PANK1: variants seen among roughly 807,000 people sequenced by gnomAD.
PANK1 encodes the protein pantothenate kinase 1.
PANK1 carries 18 observed loss-of-function variants against 40.1 expected under a neutral mutation model. The ratio of observed to expected loss-of-function variants is 0.45; its 90% confidence interval spans 0.31 to 0.67. The LOEUF (loss-of-function observed/expected upper bound fraction) is 0.67. Ranked by LOEUF, PANK1 falls within the 30% of genes least tolerant of loss-of-function variation. The pLI is 0.06. For synonymous variants in PANK1, 242 were observed against 237.7 expected (o/e 1.02, Z -0.17); for missense variants, 457 against 599.6 (o/e 0.76, Z 2.48).
chr10:89,617,117 A>G (rs1845343444), intron 1 of PANK1, among the ~76,000 whole-genome samples: 2 of 152,250 alleles, frequency 1.3e-5, no homozygotes, highest in South Asian at 4.1e-4. Flanking sequence ...GAGCATAAGC[A>G]CAAAAGAAAC....
At chr10:89,641,797 G>A (rs896372801) in intron 1 of PANK1, among the ~76,000 whole-genome samples, 6 of 150,062 alleles carry the variant, frequency 4.0e-5, no homozygotes, top group Non-Finnish European at 8.9e-5. Context: ...TCAGCACAAG[G>A]CAAAAAAGTC....
At chr10:89,605,345 A>G (rs1844929978) in intron 2 of PANK1, among the ~76,000 whole-genome samples, 1 of 152,220 alleles carries the variant, frequency 6.6e-6, no homozygotes, top group Non-Finnish European at 1.5e-5. Context: ...TTTACCCACC[A>G]TAGAACTTCT....
At chr10:89,611,425 C>T (rs1047984154) in intron 2 of PANK1, among the ~76,000 whole-genome samples, 1 of 152,178 alleles carries the variant, frequency 6.6e-6, no homozygotes, top group Non-Finnish European at 1.5e-5. Flanking sequence ...GCGTATTACC[C>T]AGCAATAATT....
chr10:89,594,107 T>G, intron 3 of PANK1, 118 bp from the exon 4 acceptor site: 1 of 671,842 alleles, frequency 1.5e-6, no homozygotes, highest in South Asian at 1.9e-5. Flanking sequence ...AAGGGGCACT[T>G]GAATTAAAGT....
Position 89,611,816 on chromosome 10 carries a change from A to G in PANK1, c.525T>C (p.Phe175=). The G allele has an allele frequency of 6.2e-7, 1 of 1,614,206 alleles. No individual in the cohort carries two copies. The highest frequency in any genetic ancestry group is 1.7e-5 in the Admixed American group (1 of 60,020). The change falls in exon 2 of 7, where the codon TTT becomes TTC. Residue 175 remains phenylalanine (F), a synonymous_variant. Transcript: ENST00000307534. The part of the protein sequence containing the change: ...GRKGNLHFIR[F]PSCAMHRFIQ... Reference sequence around the variant, plus strand: ...TGAACCTGTGCATAGCACAGCTGGGAAAGCGGATGAAGTGCAGGTTCCCTT... The same window carrying G: ...TGAACCTGTGCATAGCACAGCTGGGGAAGCGGATGAAGTGCAGGTTCCCTT...
intron 1 of PANK1, among the ~76,000 whole-genome samples, chr10:89,621,409 G>T (rs1177799449): frequency 1.3e-5 from 2 of 152,066 alleles, no homozygotes; most frequent in Admixed American, 1.3e-4. Flanking sequence ...TACAAATTTG[G>T]TTGATAGTAT....
At chr10:89,582,868 A>G (rs1844078662), downstream of PANK1, 1 of 152,238 alleles carries the variant, frequency 6.6e-6, no homozygotes, top group Admixed American at 6.5e-5. Context: ...CACTCATGGG[A>G]AAGCCTCCAA....
intron 1 of PANK1, among the ~76,000 whole-genome samples, chr10:89,640,776 GT>G (rs1841947069): frequency 1.3e-5 from 2 of 152,128 alleles, no homozygotes; most frequent in African/African-American, 4.8e-5. Flanking sequence ...TACTTATTCT[GT>G]CTCCAAAACC....
At position 89,630,399 on chromosome 10, in the gene PANK1, A is replaced by G. The variant is rs116505076; in HGVS notation, c.292+14201T>C. Among the ~76,000 whole-genome samples the G allele has an allele frequency of 7.3e-3, 1,105 of 152,274 alleles. 12 individuals are homozygous for G. The highest frequency in any genetic ancestry group is 0.027 in the Middle Eastern group (8 of 294). On this transcript the variant is annotated intron_variant, in intron 1 of 6. Coordinates refer to ENST00000307534, the MANE Select transcript of PANK1 (RefSeq NM_148977.3). Reference sequence around the variant, plus strand: ...TATTTAATTCAGTTCTCATAACCCAATGAAGTTGGCACTATTATTATTCCC... The same window carrying G: ...TATTTAATTCAGTTCTCATAACCCAGTGAAGTTGGCACTATTATTATTCCC...
intron 2 of PANK1, among the ~76,000 whole-genome samples, chr10:89,604,041 A>C (rs973692647): frequency 6.6e-6 from 1 of 152,170 alleles, no homozygotes; most frequent in African/African-American, 2.4e-5. Context: ...GCTTTTTAAG[A>C]CTGGTCCCTT....
chr10:89,603,923 A>G (rs1469443973), intron 2 of PANK1, among the ~76,000 whole-genome samples: 1 of 152,238 alleles, frequency 6.6e-6, no homozygotes. Context: ...CCTCAGATTA[A>G]TAATAGGGAC....
chr10:89,631,976 G>GTGT (rs199540491), intron 1 of PANK1, among the ~76,000 whole-genome samples: 1,947 of 143,324 alleles, frequency 0.014, 42 homozygotes, highest in African/African-American at 0.047. Context: ...GTGTGTGTGT[G>GTGT]TTTTTTTTTT....
At chr10:89,595,966 C>G (rs938551283) in intron 3 of PANK1, among the ~76,000 whole-genome samples, 1 of 147,260 alleles carries the variant, frequency 6.8e-6, no homozygotes, top group Admixed American at 6.8e-5. Context: ...CTAGGTACCA[C>G]CAGTAGCAGA....
chr10:89,601,590 A>T (rs1421176114), intron 2 of PANK1, among the ~76,000 whole-genome samples: 1 of 152,190 alleles, frequency 6.6e-6, no homozygotes, highest in African/African-American at 2.4e-5. Flanking sequence ...TGAATTTCTT[A>T]TTTAACAAAA....
chr10:89,624,782 T>C (rs1294050590), intron 1 of PANK1, among the ~76,000 whole-genome samples: 3 of 152,222 alleles, frequency 2.0e-5, no homozygotes, highest in Non-Finnish European at 4.4e-5. Context: ...TCTGATTCAG[T>C]GGGATAGGAG....
intron 2 of PANK1, among the ~76,000 whole-genome samples, chr10:89,608,176 C>T (rs1038327613): frequency 6.6e-6 from 1 of 151,894 alleles, no homozygotes; most frequent in Admixed American, 6.6e-5. Flanking sequence ...GGACTACAGG[C>T]GCCCGCGACC....
chr10:89,597,391 C>G (rs1329908583), intron 3 of PANK1, among the ~76,000 whole-genome samples: 2 of 152,158 alleles, frequency 1.3e-5, no homozygotes, highest in East Asian at 3.8e-4. Flanking sequence ...AAAGGGTTCT[C>G]TATTAACCTG....
At chr10:89,641,764 T>TA (rs1302126617) in intron 1 of PANK1, among the ~76,000 whole-genome samples, 8 of 108,986 alleles carry the variant, frequency 7.3e-5, no homozygotes, top group East Asian at 2.2e-4. Flanking sequence ...AATAAATAAA[T>TA]AAATAAATAA....
chr10:89,601,860 T>C (rs1844795996), intron 2 of PANK1, among the ~76,000 whole-genome samples: 1 of 152,222 alleles, frequency 6.6e-6, no homozygotes, highest in Admixed American at 6.5e-5. Context: ...TAGCAGGGCA[T>C]AGCAGTGTAA....
Sources: gnomAD v4.1 joint callset for allele counts (sites outside exome capture counted in the v4.1 genomes callset) on GRCh38, gnomAD v4.1.1 for gene constraint, MANE v1.5 for transcripts, NCBI Gene and HGNC (gene_info 2026-07-23, HGNC 2026-07-21) for gene names.